Variants in BBS9 observed in about 807,000 individuals in gnomAD.
BBS9 encodes the protein Bardet-Biedl syndrome 9, also known as protein PTHB1.
Under a neutral mutation model 117.7 loss-of-function variants are expected in BBS9, and 89 were observed. That is an observed-to-expected ratio of 0.76 (90% CI 0.64 to 0.90). The LOEUF (loss-of-function observed/expected upper bound fraction) is 0.90. Ranked by LOEUF, BBS9 falls within the 40% of genes least tolerant of loss-of-function variation. The probability of loss-of-function intolerance (pLI) is 0.00; values close to 1 mark genes in which losing one functional copy is unlikely to be tolerated. For missense variants in BBS9, 982 were observed against 1,042.2 expected, an observed-to-expected ratio of 0.94 and a Z score of 0.80; for synonymous variants, 379 against 370.9, an observed-to-expected ratio of 1.02 and a Z score of -0.25.
intron 5 of BBS9, among the ~76,000 whole-genome samples, chr7:33,226,881 G>A (rs760768211): frequency 3.3e-5 from 5 of 152,084 alleles, no homozygotes; most frequent in Non-Finnish European, 7.4e-5. Flanking sequence ...GGTTTCCAGG[G>A]GCTTGGGAAA....
intron 5 of BBS9, among the ~76,000 whole-genome samples, chr7:33,238,849 G>A (rs1793991174): frequency 6.6e-6 from 1 of 151,902 alleles, no homozygotes; most frequent in African/African-American, 2.4e-5. Context: ...TTATTCTATT[G>A]CAATATAAAT....
At chr7:33,555,219 A>G (rs1421241850) in intron 21 of BBS9, among the ~76,000 whole-genome samples, 1 of 152,200 alleles carries the variant, frequency 6.6e-6, no homozygotes, top group Admixed American at 6.5e-5. Context: ...CCTAATTAGA[A>G]TGAATAAACA....
chr7:33,322,602 T>C (rs1474250491), intron 9 of BBS9, among the ~76,000 whole-genome samples: 1 of 152,024 alleles, frequency 6.6e-6, no homozygotes, highest in Non-Finnish European at 1.5e-5. Flanking sequence ...TTTTAATCTC[T>C]GATTTTACTT....
chr7:33,498,275 T>A lies in BBS9; in HGVS notation c.2116-7188T>A, dbSNP rs543518518. 9.8e-5 allele frequency among the ~76,000 whole-genome samples: 15 copies of A among 152,334 alleles called. 1 individual carries two copies. The highest frequency in any genetic ancestry group is 3.6e-4 in the African/African-American group (15 of 41,584). ...GCCTAAGTAAAGATGCCTTTGTGTT[T>A]ATGTATTTACCTTACAGGAATTATA... On this transcript the variant is annotated intron_variant, in intron 19 of 22. Coordinates refer to ENST00000242067, the MANE Select transcript of BBS9 (RefSeq NM_198428.3).
intron 19 of BBS9, 129 bp from the exon 20 acceptor site, chr7:33,505,334 T>A (rs1052321018): frequency 1.1e-6 from 1 of 899,944 alleles, no homozygotes; most frequent in East Asian, 2.4e-5. Context: ...TTACTTAACA[T>A]AGCTTGTGTT....
intron 12 of BBS9, among the ~76,000 whole-genome samples, chr7:33,347,486 TG>T (rs1817816176): frequency 6.6e-6 from 1 of 152,020 alleles, no homozygotes; most frequent in African/African-American, 2.4e-5. Flanking sequence ...GTTTGTGGCA[TG>T]ATGATTCCCT....
At chr7:33,169,677 A>G (rs995962156) in intron 4 of BBS9, among the ~76,000 whole-genome samples, 8 of 151,782 alleles carry the variant, frequency 5.3e-5, no homozygotes, top group African/African-American at 1.9e-4. Context: ...TTTCTTGTAA[A>G]TCTGTTTGAG....
At chr7:33,399,225 T>A (rs2128785193) in intron 19 of BBS9, among the ~76,000 whole-genome samples, 1 of 151,634 alleles carries the variant, frequency 6.6e-6, no homozygotes, top group African/African-American at 2.4e-5. Context: ...TTTTTCTTTA[T>A]TTTTTTTTCT....
At chr7:33,207,672 C>T (rs1175419308) in intron 5 of BBS9, among the ~76,000 whole-genome samples, 1 of 151,976 alleles carries the variant, frequency 6.6e-6, no homozygotes, top group Non-Finnish European at 1.5e-5. Flanking sequence ...GATCCTGTTA[C>T]TATGGTATCT....
chr7:33,547,302 G>T (rs1853557153), intron 21 of BBS9, among the ~76,000 whole-genome samples: 1 of 152,186 alleles, frequency 6.6e-6, no homozygotes, highest in Non-Finnish European at 1.5e-5. Context: ...GTAGGCTATT[G>T]TCAGGGTTTT....
At chr7:33,582,156 T>A (rs1216207776) in intron 21 of BBS9, among the ~76,000 whole-genome samples, 1 of 152,124 alleles carries the variant, frequency 6.6e-6, no homozygotes, top group Admixed American at 6.6e-5. Context: ...CCTTGAGTTA[T>A]CTCAGTCAGG....
intron 4 of BBS9, among the ~76,000 whole-genome samples, chr7:33,170,527 C>T (rs1028112845): frequency 2.7e-5 from 4 of 147,596 alleles, no homozygotes; most frequent in African/African-American, 5.0e-5. Context: ...GAAGCATTCC[C>T]TTTGAAAACT....
chr7:33,236,201 C>G (rs987709852), intron 5 of BBS9, among the ~76,000 whole-genome samples: 1 of 151,722 alleles, frequency 6.6e-6, no homozygotes, highest in African/African-American at 2.4e-5. Context: ...TGGCACATAC[C>G]TGCAATCCCA....
chr7:33,162,939 C>T (rs1177234991), intron 4 of BBS9, among the ~76,000 whole-genome samples: 2 of 152,110 alleles, frequency 1.3e-5, no homozygotes, highest in Non-Finnish European at 2.9e-5. Flanking sequence ...CAGTTTTTGC[C>T]CATTCAGTAT....
At chr7:33,516,128 G>C (rs532812761) in intron 20 of BBS9, among the ~76,000 whole-genome samples, 30 of 152,180 alleles carry the variant, frequency 2.0e-4, no homozygotes, top group Non-Finnish European at 3.5e-4. Flanking sequence ...AAAGCCAGAA[G>C]TTATTATATG....
chr7:33,418,817 T>C (rs1035430807), intron 19 of BBS9, among the ~76,000 whole-genome samples: 3 of 152,200 alleles, frequency 2.0e-5, no homozygotes, highest in African/African-American at 7.2e-5. Flanking sequence ...TTGATCCATT[T>C]CCTTTTTTAA....
intron 19 of BBS9, among the ~76,000 whole-genome samples, chr7:33,423,012 C>T (rs917467584): frequency 6.6e-6 from 1 of 152,124 alleles, no homozygotes; most frequent in African/African-American, 2.4e-5. Context: ...AGGTCAATGA[C>T]CCTTCTATCA....
chr7:33,490,155 T>C (rs74541976), intron 19 of BBS9, among the ~76,000 whole-genome samples: 1,935 of 152,250 alleles, frequency 0.013, 17 homozygotes, highest in Middle Eastern at 0.017. Context: ...CCTCATATAG[T>C]CTATTTTAGC....
At chr7:33,305,335 T>C (rs1351941301) in intron 9 of BBS9, among the ~76,000 whole-genome samples, 1 of 152,170 alleles carries the variant, frequency 6.6e-6, no homozygotes, top group East Asian at 1.9e-4. Context: ...TTTGTGTCAA[T>C]ATTCATCAGG....
Sources: allele counts gnomAD v4.1 joint callset (sites outside exome capture counted in the v4.1 genomes callset), GRCh38; gene constraint gnomAD v4.1.1; transcripts MANE v1.5; gene names NCBI Gene and HGNC (gene_info 2026-07-23, HGNC 2026-07-21).